Variants in OPHN1 observed in about 807,000 individuals in gnomAD.
OPHN1 encodes the protein oligophrenin-1.
Under a neutral mutation model 60.7 loss-of-function variants are expected in OPHN1, and 11 were observed. That is an observed-to-expected ratio of 0.18 (90% CI 0.11 to 0.30). The LOEUF is 0.30. Ranked by LOEUF, OPHN1 falls within the 10% of genes least tolerant of loss-of-function variation. OPHN1 has a pLI of 1.00. For missense variants in OPHN1, 449 were observed against 611.0 expected (o/e 0.73, Z 2.80); for synonymous variants, 226 against 222.6 (o/e 1.02, Z -0.14).
intron 2 of OPHN1, among the ~76,000 whole-genome samples, chrX:68,324,019 TAGA>T (rs924609523): frequency 1.8e-5 from 2 of 111,908 alleles, no homozygotes; most frequent in African/African-American, 6.5e-5. Context: ...GGTGAAATTG[TAGA>T]AGCATTCCTA....
At chrX:68,155,132 GA>G (rs1257110585) in intron 15 of OPHN1, among the ~76,000 whole-genome samples, 1 of 111,279 alleles carries the variant, frequency 9.0e-6, no homozygotes, top group Non-Finnish European at 1.9e-5. Flanking sequence ...AGTTAAGGAA[GA>G]ATCAGAATGA....
chrX:68,374,197 A>T (rs1490711517), intron 2 of OPHN1, among the ~76,000 whole-genome samples: 2 of 109,450 alleles, frequency 1.8e-5, no homozygotes, highest in Non-Finnish European at 3.8e-5. Context: ...CTCCACTAAA[A>T]ATACAAAAAT....
Position 68,299,004 on chromosome X carries a change from T to G in OPHN1, c.247A>C (p.Ile83Leu). The G allele has an allele frequency of 8.6e-7, 1 of 1,162,599 alleles. No homozygotes were observed. The highest frequency in any genetic ancestry group is 1.2e-6 in the Non-Finnish European group (1 of 854,668). Residue 83 changes from isoleucine to leucine, a missense_variant, in exon 3 of 25, where the codon ATC (isoleucine) becomes CTC (leucine). Physicochemically the swap from Ile to Leu is conservative, Grantham distance 5 (BLOSUM62 2). Around this residue, in one of 4 missense-constraint regions of OPHN1, gnomAD observed 99 missense variants for 155.2 expected, o/e 0.64. Transcript: ENST00000355520. ...CCACATGTAGCTGAAGACTTACCGATGTTAATTTCATCATCAGTCAGAGTG... is the reference window on the plus strand; with the variant it reads ...CCACATGTAGCTGAAGACTTACCGAGGTTAATTTCATCATCAGTCAGAGTG... ...GDTLTDDEINIAESFKEFAEL... is the reference protein window; with the variant it reads ...GDTLTDDEINLAESFKEFAEL...
chrX:68,395,279 T>C lies in OPHN1; in HGVS notation c.154+37588A>G, dbSNP rs1414879857. On this transcript the variant is annotated intron_variant, in intron 2 of 24. Transcript: ENST00000355520. ...GCCTTGTTTTTTTGTTTTTGTTTTG[T>C]TTTGTTTGAGAAAGGGTCTTGTTCT... Among the ~76,000 whole-genome samples the C allele has an allele frequency of 4.6e-5, 5 of 109,138 alleles. No homozygotes were observed. The Admixed American group carries it at 4.9e-4, about 11-fold the overall frequency. 94.8% of individuals were successfully genotyped at this position (109,138 alleles called of 115,157 possible). A position where few individuals can be genotyped will look rare whatever the true frequency, so the allele number is the denominator to read the frequency against.
chrX:68,224,896 CAG>C (rs745459618), intron 6 of OPHN1, among the ~76,000 whole-genome samples: 14 of 112,146 alleles, frequency 1.2e-4, no homozygotes, highest in Non-Finnish European at 2.4e-4. Context: ...GTGCAGCCCA[CAG>C]AGTGTCAGCC....
At chrX:68,383,227 C>T (rs1291122624) in intron 2 of OPHN1, among the ~76,000 whole-genome samples, 1 of 110,861 alleles carries the variant, frequency 9.0e-6, no homozygotes, top group Non-Finnish European at 1.9e-5. Flanking sequence ...TAGGTCACCT[C>T]TCATCTCAGA....
chrX:68,106,275 C>G (rs570985053), intron 18 of OPHN1, among the ~76,000 whole-genome samples: 1 of 98,303 alleles, frequency 1.0e-5, no homozygotes, highest in Middle Eastern at 5.8e-3. Flanking sequence ...AGTATTATTA[C>G]AAAAGTAAAA....
intron 2 of OPHN1, among the ~76,000 whole-genome samples, chrX:68,311,348 C>T (rs2078171987): frequency 8.9e-6 from 1 of 112,023 alleles, no homozygotes; most frequent in African/African-American, 3.2e-5. Flanking sequence ...TTTAAAAGGG[C>T]AATTCACGTA....
intron 3 of OPHN1, among the ~76,000 whole-genome samples, chrX:68,296,092 C>T (rs187454624): frequency 2.0e-3 from 222 of 111,148 alleles, no homozygotes; most frequent in African/African-American, 7.0e-3. Context: ...ATTTTTTTCT[C>T]GAAGCCTCCA....
At chrX:68,139,841 A>C (rs2147474172) in intron 15 of OPHN1, among the ~76,000 whole-genome samples, 1 of 112,281 alleles carries the variant, frequency 8.9e-6, no homozygotes, top group African/African-American at 3.2e-5. Flanking sequence ...TGCTAAGAAA[A>C]CAGGTAGGGG....
At chrX:68,220,198 C>A (rs1396237178) in intron 6 of OPHN1, among the ~76,000 whole-genome samples, 1 of 105,492 alleles carries the variant, frequency 9.5e-6, no homozygotes, top group African/African-American at 3.4e-5. Flanking sequence ...GGATAAATTC[C>A]TGGACACATA....
chrX:68,155,263 G>A (rs190324924), intron 15 of OPHN1, among the ~76,000 whole-genome samples: 378 of 111,821 alleles, frequency 3.4e-3, no homozygotes, highest in African/African-American at 0.011. Context: ...AAAAATTTAC[G>A]TCAGTTGCTC....
At chrX:68,239,329 C>T (rs1440010793) in intron 5 of OPHN1, among the ~76,000 whole-genome samples, 1 of 110,653 alleles carries the variant, frequency 9.0e-6, no homozygotes, top group East Asian at 2.9e-4. Flanking sequence ...GTGTTCCTCT[C>T]GATGTCCAAC....
chrX:68,403,741 G>C (rs1239230806), intron 2 of OPHN1, among the ~76,000 whole-genome samples: 1 of 110,377 alleles, frequency 9.1e-6, no homozygotes, highest in Non-Finnish European at 1.9e-5. Flanking sequence ...CTAGGCTCAA[G>C]AGAACAAGGC....
chrX:68,081,652 T>G (rs2076975005), intron 19 of OPHN1, among the ~76,000 whole-genome samples: 1 of 112,027 alleles, frequency 8.9e-6, no homozygotes, highest in Non-Finnish European at 1.9e-5. Context: ...TAAAAATAAT[T>G]TATTGCTAAA....
At chrX:68,095,758 T>C (rs1261351027) in intron 19 of OPHN1, among the ~76,000 whole-genome samples, 1 of 111,158 alleles carries the variant, frequency 9.0e-6, no homozygotes, top group Non-Finnish European at 1.9e-5. Context: ...TGCTTTTCCC[T>C]AGGATGGCAC....
intron 2 of OPHN1, among the ~76,000 whole-genome samples, chrX:68,328,695 A>T (rs764157084): frequency 1.3e-3 from 148 of 111,823 alleles, no homozygotes; most frequent in Non-Finnish European, 2.3e-3. Flanking sequence ...TAACTTCTAA[A>T]ATATAGAAAG....
intron 19 of OPHN1, among the ~76,000 whole-genome samples, chrX:68,086,297 T>C (rs775508655): frequency 1.8e-5 from 2 of 111,159 alleles, no homozygotes; most frequent in Non-Finnish European, 3.8e-5. Flanking sequence ...CCTATGCATC[T>C]CATGCAATCA....
In OPHN1 at chrX:68,187,649, G is replaced by A. The variant is rs758370807; in HGVS notation, c.1276+5270C>T. Among the ~76,000 whole-genome samples the A allele has an allele frequency of 8.1e-5, 9 of 110,993 alleles. No individual in the cohort carries two copies. The East Asian group carries it at 8.6e-4, about 11-fold the overall frequency. Reference sequence around the variant, plus strand: ...TTGTTTGTTTGTTTGCTTGTTTGAGGTGGAGTCTTGCTCTGTCGCCCAGGC... The same window carrying A: ...TTGTTTGTTTGTTTGCTTGTTTGAGATGGAGTCTTGCTCTGTCGCCCAGGC... On this transcript the variant is annotated intron_variant, in intron 15 of 24. Coordinates refer to ENST00000355520, the MANE Select transcript of OPHN1 (RefSeq NM_002547.3).
Sources: allele counts gnomAD v4.1 joint callset (sites outside exome capture counted in the v4.1 genomes callset), GRCh38; gene constraint gnomAD v4.1.1; regional missense constraint gnomAD v4.1.1; transcripts MANE v1.5; gene names NCBI Gene and HGNC (gene_info 2026-07-23, HGNC 2026-07-21).